DGCR2: variants seen among roughly 807,000 people sequenced by gnomAD.
The protein encoded by DGCR2 is DiGeorge syndrome critical region gene 2.
Under a neutral mutation model 51.6 loss-of-function variants are expected in DGCR2, and 24 were observed. That is an observed-to-expected ratio of 0.47 (90% confidence interval 0.34 to 0.65). The LOEUF is 0.65. Ranked by LOEUF, DGCR2 falls within the 30% of genes least tolerant of loss-of-function variation. The pLI, the probability that DGCR2 is intolerant of heterozygous loss-of-function variation, is 0.01. For synonymous variants in DGCR2, 340 were observed against 315.4 expected (o/e 1.08, Z -0.82); for missense variants, 765 against 772.1 (o/e 0.99, Z 0.11).
rs1436840604 is a variant in DGCR2, at chr22:19,057,555, C to T, written c.626-393G>A. Among the ~76,000 whole-genome samples the T allele has an allele frequency of 6.6e-6, 1 of 152,218 alleles. No individual in the cohort carries two copies. Among genetic ancestry groups the T allele is most frequent in the African/African-American group, 2.4e-5 (1 of 41,444 alleles). On this transcript the variant is annotated intron_variant, in intron 5 of 9. Coordinates refer to ENST00000263196, the MANE Select transcript of DGCR2 (RefSeq NM_005137.3). The surrounding 1 kb of genome is among the most constrained non-coding windows in gnomAD (Gnocchi z 5.1). The stretch of plus-strand genomic sequence containing the variant: ...CAAACAGGGGAATGGGCAAGGGAAA[C>T]AGGCAGGGAAGCTCTCCCTTAGGAC...
intron 1 of DGCR2, among the ~76,000 whole-genome samples, chr22:19,115,106 T>C (rs916741638): frequency 6.6e-6 from 1 of 152,184 alleles, no homozygotes; most frequent in African/African-American, 2.4e-5. Context: ...GAGGCAAGCA[T>C]GTGCAGCCCA....
intron 1 of DGCR2, among the ~76,000 whole-genome samples, chr22:19,093,509 AT>A (rs1264088430): frequency 1.6e-4 from 25 of 152,346 alleles, no homozygotes; most frequent in African/African-American, 5.1e-4. Context: ...AACACAATCT[AT>A]AAAAAAAATT....
chr22:19,059,139 A>T (rs1035702669), intron 5 of DGCR2, among the ~76,000 whole-genome samples: 1 of 152,162 alleles, frequency 6.6e-6, no homozygotes, highest in African/African-American at 2.4e-5. Context: ...TAGTGAAGGA[A>T]GGGGCTGCTG....
At chr22:19,069,766 C>T (rs1412826052) in intron 2 of DGCR2, among the ~76,000 whole-genome samples, 2 of 152,086 alleles carry the variant, frequency 1.3e-5, no homozygotes, top group African/African-American at 2.4e-5. Context: ...TACACAAGTG[C>T]GTATGTAGTC....
chr22:19,090,946 G>GA (rs1327084361), intron 1 of DGCR2, among the ~76,000 whole-genome samples: 2 of 152,082 alleles, frequency 1.3e-5, no homozygotes, highest in Non-Finnish European at 2.9e-5. Flanking sequence ...GTCATGTAGG[G>GA]AAAAAATCAA....
rs1465794137 is a variant in DGCR2, at chr22:19,057,908, C to T, written c.626-746G>A. 1.3e-5 allele frequency among the ~76,000 whole-genome samples: 2 copies of T among 152,106 alleles called. No homozygotes were observed. Among genetic ancestry groups the T allele is most frequent in the Non-Finnish European group, 2.9e-5 (2 of 67,982 alleles). ...AGGGCATGGCACAGCCAGCCCTAGG[C>T]CCCACTCTCTCCCCTGCACGGCCCT... On this transcript the variant is annotated intron_variant, in intron 5 of 9. Coordinates refer to ENST00000263196, the MANE Select transcript of DGCR2 (RefSeq NM_005137.3). This position sits in a 1 kb window ranked among gnomAD's most constrained non-coding sequence, Gnocchi z 5.1.
At chr22:19,097,246 T>C (rs1397147413) in intron 1 of DGCR2, among the ~76,000 whole-genome samples, 1 of 151,974 alleles carries the variant, frequency 6.6e-6, no homozygotes, top group Non-Finnish European at 1.5e-5. Context: ...TATATATATA[T>C]ATACATATAT....
chr22:19,094,806 A>AATAAGCT (rs1364106061), intron 1 of DGCR2, among the ~76,000 whole-genome samples: 13 of 152,358 alleles, frequency 8.5e-5, no homozygotes, highest in African/African-American at 1.4e-4. Flanking sequence ...AATAAAAAGG[A>AATAAGCT]ATAAGCTATT....
At chr22:19,068,381 A>T (rs2082775047) in intron 2 of DGCR2, among the ~76,000 whole-genome samples, 156 bp from the exon 3 acceptor site, 1 of 149,096 alleles carries the variant, frequency 6.7e-6, no homozygotes. Context: ...CCTATGAAAC[A>T]CTGCCGCTCG....
intron 5 of DGCR2, chr22:19,060,936 G>A (rs2238740): frequency 0.18 from 89,256 of 482,508 alleles, 9,126 homozygotes; most frequent in South Asian, 0.27. Context: ...TATGTACCAT[G>A]GTATCACTCA....
At chr22:19,056,461 GA>G (rs1368936773) in intron 6 of DGCR2, 1 of 546,492 alleles carries the variant, frequency 1.8e-6, no homozygotes, top group East Asian at 4.2e-5. Flanking sequence ...TGCGAAGCCA[GA>G]AGCCTGTGAT....
At chr22:19,042,507 T>C (rs147185559) in intron 7 of DGCR2, among the ~76,000 whole-genome samples, 56 of 152,322 alleles carry the variant, frequency 3.7e-4, no homozygotes, top group African/African-American at 1.3e-3. Context: ...AGGCCAGGGT[T>C]GGCCAGGTAG....
intron 2 of DGCR2, among the ~76,000 whole-genome samples, chr22:19,085,627 T>C (rs1003135796): frequency 6.6e-6 from 1 of 152,196 alleles, no homozygotes; most frequent in Admixed American, 6.5e-5. Context: ...AGTGGGAAGG[T>C]ACTGAATGCC....
chr22:19,094,297 G>A (rs2793067), intron 1 of DGCR2, among the ~76,000 whole-genome samples: 19,735 of 151,736 alleles, frequency 0.13, 2,106 homozygotes, highest in African/African-American at 0.29. Flanking sequence ...GTGCGGTGGC[G>A]GGCGCCTGTA....
chr22:19,052,557 G>T (rs1443275382), intron 6 of DGCR2, among the ~76,000 whole-genome samples: 1 of 151,660 alleles, frequency 6.6e-6, no homozygotes, highest in Non-Finnish European at 1.5e-5. Context: ...TTCAACACTT[G>T]AGGCCTATAG....
At chr22:19,069,386 C>CT (rs998141361) in intron 2 of DGCR2, among the ~76,000 whole-genome samples, 7 of 152,292 alleles carry the variant, frequency 4.6e-5, no homozygotes, top group South Asian at 4.1e-4. Flanking sequence ...AATCCACATG[C>CT]TTTTTTGCTC....
Position 19,063,252 on chromosome 22 carries a change from A to G in DGCR2, c.575T>C (p.Ile192Thr), listed in dbSNP as rs1013185046. 6.2e-7 allele frequency: 1 copy of G among 1,614,208 alleles called. No homozygotes were observed. Among genetic ancestry groups the G allele is most frequent in the African/African-American group, 1.3e-5 (1 of 75,070 alleles). ...TTCCAAGGAGCGGTTCCGGCCAGTG[A>G]TAACATACTGATAGCCAACCCACAA... is the stretch of plus-strand genomic sequence containing the variant. ...RKLWVGYQYV[I>T]TGRNRSLEGR... Residue 192 changes from isoleucine to threonine, a missense_variant, in exon 5 of 10, where the codon ATC becomes ACC. Ile to Thr is a moderately conservative substitution (Grantham distance 89). This residue lies in a region of DGCR2 where 370 missense variants were observed against 325.5 expected (regional missense o/e 1.14). Transcript: ENST00000263196.
intron 1 of DGCR2, among the ~76,000 whole-genome samples, chr22:19,110,077 A>G (rs578186147): frequency 1.3e-5 from 2 of 152,260 alleles, no homozygotes; most frequent in South Asian, 2.1e-4. Context: ...TGGGGTCTTT[A>G]AAGAACATTC....
At chr22:19,120,381 G>GTATTCAACA (rs1414784711) in intron 1 of DGCR2, among the ~76,000 whole-genome samples, 18 of 152,226 alleles carry the variant, frequency 1.2e-4, no homozygotes, top group Admixed American at 9.2e-4. Context: ...ACACTCCAGG[G>GTATTCAACA]TATTCAACAC....
Sources: allele counts gnomAD v4.1 joint callset (sites outside exome capture counted in the v4.1 genomes callset), GRCh38; gene constraint gnomAD v4.1.1; regional missense constraint gnomAD v4.1.1; non-coding constraint Gnocchi (gnomAD v3.1); transcripts MANE v1.5; gene names NCBI Gene and HGNC (gene_info 2026-07-23, HGNC 2026-07-21).